The following CSMD3 variants were observed in gnomAD, a reference collection of about 807,000 sequenced individuals.
CSMD3 encodes the protein CUB and sushi domain-containing protein 3.
CSMD3 carries 177 observed loss-of-function variants against 435.2 expected under a neutral mutation model. The observed-to-expected ratio is 0.41, with a 90% CI of 0.36 to 0.46. The LOEUF (loss-of-function observed/expected upper bound fraction) is 0.46. Among genes scored for constraint, CSMD3 ranks in the 20% least tolerant of loss-of-function variants. The pLI, the probability that CSMD3 is intolerant of heterozygous loss-of-function variation, is 0.34. For synonymous variants in CSMD3, 1,656 were observed against 1,520.5 expected, an observed-to-expected ratio of 1.09 and a Z score of -2.07; for missense variants, 4,265 against 4,504.6, an observed-to-expected ratio of 0.95 and a Z score of 1.52.
At chr8:112,465,972 C>T (rs1488092763) in intron 32 of CSMD3, among the ~76,000 whole-genome samples, 1 of 125,808 alleles carries the variant, frequency 7.9e-6, no homozygotes, top group Non-Finnish European at 1.6e-5. Flanking sequence ...GAGACACCAT[C>T]TCAAAAAAAA....
chr8:112,454,769 T>C (rs929268995), intron 32 of CSMD3, among the ~76,000 whole-genome samples: 24 of 152,062 alleles, frequency 1.6e-4, no homozygotes, highest in Non-Finnish European at 2.9e-5. Flanking sequence ...GGCAGGAGGA[T>C]TGCTTGAGCC....
intron 3 of CSMD3, among the ~76,000 whole-genome samples, chr8:113,250,352 G>A (rs137960363): frequency 0.01 from 1,575 of 152,158 alleles, 17 homozygotes; most frequent in Middle Eastern, 0.095. Context: ...GCGTTTGTGA[G>A]AATGACACAT....
intron 12 of CSMD3, among the ~76,000 whole-genome samples, chr8:112,807,947 T>A (rs1253222029): frequency 6.6e-6 from 1 of 152,234 alleles, no homozygotes; most frequent in Non-Finnish European, 1.5e-5. Context: ...ATTATTCATT[T>A]GATTAATAGT....
At chr8:112,513,881 T>C (rs1051581928) in intron 28 of CSMD3, among the ~76,000 whole-genome samples, 1 of 152,136 alleles carries the variant, frequency 6.6e-6, no homozygotes, top group Non-Finnish European at 1.5e-5. Context: ...CCTTATTTTT[T>C]AGAAGGAACA....
intron 3 of CSMD3, among the ~76,000 whole-genome samples, chr8:113,228,426 C>T (rs2093050976): frequency 6.6e-6 from 1 of 151,540 alleles, no homozygotes; most frequent in South Asian, 2.1e-4. Flanking sequence ...GTTTATAAGG[C>T]ACCTACTCTT....
In CSMD3 at chr8:112,768,226, T is replaced by C. The variant is rs77811352; in HGVS notation, c.1972+31936A>G. 5.9e-5 allele frequency among the ~76,000 whole-genome samples: 9 copies of C among 151,798 alleles called. No homozygotes were observed. The East Asian group carries it at 1.7e-3, about 29-fold the overall frequency. On this transcript the variant is annotated intron_variant, in intron 13 of 70. Transcript: ENST00000297405. ...AGGAGAGTTTGATATCCAGAGGCAT[T>C]AATAAAGATTTAATAAATATGTCAG...
intron 13 of CSMD3, among the ~76,000 whole-genome samples, chr8:112,790,968 A>G (rs1018631581): frequency 6.6e-6 from 1 of 152,166 alleles, no homozygotes; most frequent in Admixed American, 6.6e-5. Flanking sequence ...TATTTAAAGT[A>G]TACAGTTTGA....
At chr8:113,339,774 C>A (rs574997526) in intron 1 of CSMD3, among the ~76,000 whole-genome samples, 1 of 151,954 alleles carries the variant, frequency 6.6e-6, no homozygotes, top group East Asian at 1.9e-4. Flanking sequence ...TTTTGCTGTA[C>A]ATATTTGGAC....
At chr8:112,691,278 CT>C (rs922567050) in intron 13 of CSMD3, among the ~76,000 whole-genome samples, 2 of 151,982 alleles carry the variant, frequency 1.3e-5, no homozygotes, top group African/African-American at 4.8e-5. Context: ...TTTTCTTAGA[CT>C]TTTTTTATCT....
chr8:112,891,367 A>G (rs1993607), intron 10 of CSMD3, among the ~76,000 whole-genome samples: 120,987 of 151,588 alleles, frequency 0.8, 49,087 homozygotes, highest in East Asian at 0.93. Flanking sequence ...GCAATCAATC[A>G]ATTCATCAAG....
In CSMD3 at chr8:112,458,215, C is replaced by CCACACACA. The variant is rs1283555462; in HGVS notation, c.5395+14368_5395+14375dup. Among the ~76,000 whole-genome samples the CCACACACA allele has an allele frequency of 1.5e-3, 230 of 150,804 alleles. 2 individuals are homozygous for CCACACACA. Among genetic ancestry groups the CCACACACA allele is most frequent in the African/African-American group, 5.2e-3 (214 of 41,154 alleles). Reference sequence around the variant, plus strand: ...TACGTACACACACACACACTCACACCCACACACACACAGAGAAACAGAGAT... The same window carrying CCACACACA: ...TACGTACACACACACACACTCACACCCACACACACACACACACACAGAGAAACAGAGAT... On this transcript the variant is annotated intron_variant, in intron 32 of 70. Coordinates refer to ENST00000297405, the MANE Select transcript of CSMD3 (RefSeq NM_198123.2).
At chr8:113,053,446 T>A (rs936469317) in intron 5 of CSMD3, among the ~76,000 whole-genome samples, 4 of 152,084 alleles carry the variant, frequency 2.6e-5, no homozygotes, top group Non-Finnish European at 5.9e-5. Flanking sequence ...TAAACATATA[T>A]AAATAATTAT....
chr8:113,342,415 T>TAAGC (rs1464240815), intron 1 of CSMD3, among the ~76,000 whole-genome samples: 1 of 152,106 alleles, frequency 6.6e-6, no homozygotes, highest in African/African-American at 2.4e-5. Context: ...TGCAGACTAA[T>TAAGC]AAGCAGTTCA....
intron 11 of CSMD3, among the ~76,000 whole-genome samples, chr8:112,850,177 A>G (rs2080444329): frequency 6.6e-6 from 1 of 152,130 alleles, no homozygotes; most frequent in Non-Finnish European, 1.5e-5. Flanking sequence ...ATCAACACCA[A>G]TATTTTTCAG....
chr8:112,949,984 A>G (rs1234104556), intron 8 of CSMD3, among the ~76,000 whole-genome samples: 1 of 151,678 alleles, frequency 6.6e-6, no homozygotes, highest in Non-Finnish European at 1.5e-5. Flanking sequence ...ATAATCACTC[A>G]TTTTTTCCAT....
At chr8:113,009,788 T>C (rs1486226844) in intron 6 of CSMD3, among the ~76,000 whole-genome samples, 4 of 151,826 alleles carry the variant, frequency 2.6e-5, no homozygotes, top group African/African-American at 9.7e-5. Context: ...AATAAGGGTC[T>C]TATAATTCTT....
chr8:112,594,771 G>A (rs2131384015), intron 22 of CSMD3, among the ~76,000 whole-genome samples: 1 of 152,204 alleles, frequency 6.6e-6, no homozygotes, highest in African/African-American at 2.4e-5. Context: ...ACCTCACACG[G>A]CAGGGTACTC....
chr8:113,104,513 CAT>C (rs2090420867), intron 4 of CSMD3, among the ~76,000 whole-genome samples: 1 of 152,062 alleles, frequency 6.6e-6, no homozygotes, highest in South Asian at 2.1e-4. Context: ...CAACTCTTTG[CAT>C]TCTTGTGTTT....
In CSMD3 at chr8:112,281,347, A is replaced by C. The variant is rs747582211; in HGVS notation, c.9335T>G (p.Val3112Gly). 2.5e-6 allele frequency: 4 copies of C among 1,612,126 alleles called. No homozygotes were observed. Among genetic ancestry groups the C allele is most frequent in the Admixed American group, 3.3e-5 (2 of 59,882 alleles). ...TGTGGTTCCTGGGTTACCACACTGC[A>C]CAGCTATAAAACAAAGTGTTTAAGA... ...WTGRQPECKA[V>G]QCGNPGTTAN... The change falls in exon 59 of 71, where the codon GTG (valine) becomes GGG (glycine). Residue 3112 changes from valine (V) to glycine (G), a missense_variant. Transcript: ENST00000297405.
Sources: gnomAD v4.1 joint callset for allele counts (sites outside exome capture counted in the v4.1 genomes callset) on GRCh38, gnomAD v4.1.1 for gene constraint, MANE v1.5 for transcripts, NCBI Gene and HGNC (gene_info 2026-07-23, HGNC 2026-07-21) for gene names.